Variants in NUBPL observed in about 807,000 individuals in gnomAD.
NUBPL encodes the protein NUBP iron-sulfur cluster assembly factor, mitochondrial.
A neutral mutation model predicts 45.7 loss-of-function variants in NUBPL; 31 were observed. The ratio of observed to expected loss-of-function variants is 0.68; its 90% CI spans 0.51 to 0.92. The LOEUF (loss-of-function observed/expected upper bound fraction) is 0.92. NUBPL is among the 40% of genes least tolerant of loss of function. The pLI is 0.00. For missense variants in NUBPL, 401 were observed against 398.7 expected (o/e 1.01, Z -0.05); for synonymous variants, 144 against 140.9 (o/e 1.02, Z -0.15).
chr14:31,748,682 G>A (rs748493899), intron 6 of NUBPL, among the ~76,000 whole-genome samples: 59 of 151,836 alleles, frequency 3.9e-4, no homozygotes, highest in Admixed American at 3.1e-3. Context: ...GAGCGATCTC[G>A]GCTCACTGCA....
chr14:31,618,476 CTT>C (rs1276367186), intron 4 of NUBPL, among the ~76,000 whole-genome samples: 2 of 152,200 alleles, frequency 1.3e-5, no homozygotes, highest in Non-Finnish European at 2.9e-5. Context: ...TATGTTGTCT[CTT>C]TGTTCTCATT....
intron 4 of NUBPL, among the ~76,000 whole-genome samples, chr14:31,608,341 G>T (rs2034659090): frequency 6.6e-6 from 1 of 152,076 alleles, no homozygotes; most frequent in Non-Finnish European, 1.5e-5. Flanking sequence ...ATCACCTGAG[G>T]TCAGGAGTTC....
At chr14:31,602,467 A>G (rs1217343043) in intron 4 of NUBPL, among the ~76,000 whole-genome samples, 5 of 151,860 alleles carry the variant, frequency 3.3e-5, no homozygotes, top group African/African-American at 1.2e-4. Flanking sequence ...TCGCTACTAC[A>G]GAAGTTTCTC....
chr14:31,824,023 G>A lies in NUBPL; in HGVS notation c.608-2606G>A, dbSNP rs528859212. ...ATTTGAAAAGTAGGATGAGCTGCCT[G>A]ATAGCCTTTAGGAAAATGACCTTCC... On this transcript the variant is annotated intron_variant, in intron 7 of 10. Transcript: ENST00000281081. Among the ~76,000 whole-genome samples the A allele has an allele frequency of 2.0e-4, 31 of 152,160 alleles. No individual in the cohort carries two copies. In the South Asian group the frequency reaches 6.2e-3, roughly 31 times the overall value.
chr14:31,680,372 C>T (rs2036802573), intron 6 of NUBPL, among the ~76,000 whole-genome samples: 1 of 152,100 alleles, frequency 6.6e-6, no homozygotes, highest in Non-Finnish European at 1.5e-5. Flanking sequence ...ATCATGCCCT[C>T]TCTCAGGTTA....
At chr14:31,598,188 A>G (rs1404871087) in intron 3 of NUBPL, among the ~76,000 whole-genome samples, 2 of 152,188 alleles carry the variant, frequency 1.3e-5, no homozygotes, top group African/African-American at 4.8e-5. Flanking sequence ...TTTAAACTGC[A>G]GTTTTAGTCA....
At position 31,592,459 on chromosome 14, in the gene NUBPL, C is replaced by T. The variant is rs111922969; in HGVS notation, c.292-6830C>T. On this transcript the variant is annotated intron_variant, in intron 3 of 10. Transcript: ENST00000281081. Reference sequence around the variant, plus strand: ...TGTTTCATCTGAATCATTCTTGCAGCCCTGTTGAGAAGAAAGGCTGGGGTG... The same window carrying T: ...TGTTTCATCTGAATCATTCTTGCAGTCCTGTTGAGAAGAAAGGCTGGGGTG... 2.6e-5 allele frequency among the ~76,000 whole-genome samples: 4 copies of T among 152,128 alleles called. No individual in the cohort carries two copies. In the East Asian group the frequency reaches 7.7e-4, roughly 29 times the overall value.
At chr14:31,775,534 C>T (rs563117864) in intron 6 of NUBPL, among the ~76,000 whole-genome samples, 2 of 152,322 alleles carry the variant, frequency 1.3e-5, no homozygotes, top group African/African-American at 4.8e-5. Context: ...GGGAGCCTCT[C>T]TTGGCTGACT....
chr14:31,738,047 T>A (rs1209729471), intron 6 of NUBPL, among the ~76,000 whole-genome samples: 1 of 152,238 alleles, frequency 6.6e-6, no homozygotes, highest in Non-Finnish European at 1.5e-5. Context: ...TATTTATATG[T>A]AACACTTGAG....
chr14:31,688,841 G>A (rs956190747), intron 6 of NUBPL, among the ~76,000 whole-genome samples: 1 of 151,888 alleles, frequency 6.6e-6, no homozygotes, highest in African/African-American at 2.4e-5. Context: ...GTAGGCCCCA[G>A]TGTCTGTTGT....
chr14:31,786,466 C>T (rs890488849), intron 6 of NUBPL, among the ~76,000 whole-genome samples: 2 of 152,210 alleles, frequency 1.3e-5, no homozygotes, highest in African/African-American at 4.8e-5. Flanking sequence ...AAGCTCTTTT[C>T]TGTGCACATT....
chr14:31,620,466 G>A (rs1221311614), intron 4 of NUBPL, among the ~76,000 whole-genome samples: 2 of 152,248 alleles, frequency 1.3e-5, no homozygotes, highest in East Asian at 3.9e-4. Context: ...GGTTCTCTGA[G>A]TGGTTGTCCT....
intron 6 of NUBPL, among the ~76,000 whole-genome samples, chr14:31,718,968 C>A (rs976448728): frequency 6.6e-5 from 10 of 152,090 alleles, no homozygotes; most frequent in Admixed American, 5.2e-4. Context: ...TCTCGATTAA[C>A]CCATCGTTAA....
At position 31,589,736 on chromosome 14, in the gene NUBPL, G is replaced by T. The variant is rs377699545; in HGVS notation, c.292-9553G>T. Among the ~76,000 whole-genome samples, 4 of 152,024 alleles carry T rather than the reference G, an allele frequency of 2.6e-5. No homozygotes were observed. The East Asian group carries it at 5.8e-4, about 22-fold the overall frequency. ...GTAAAAATCACCAAACTGCTCCCCC[G>T]TCCAACCCCTGCCATATTTTCTGCA... is the stretch of plus-strand genomic sequence containing the variant. On this transcript the variant is annotated intron_variant, in intron 3 of 10. Transcript: ENST00000281081.
chr14:31,838,372 A>G (rs2040318231), intron 8 of NUBPL, among the ~76,000 whole-genome samples: 1 of 152,056 alleles, frequency 6.6e-6, no homozygotes, highest in African/African-American at 2.4e-5. Context: ...AACCCAAATG[A>G]CCCAAAAGGA....
At chr14:31,701,305 C>A (rs1420552579) in intron 6 of NUBPL, among the ~76,000 whole-genome samples, 1 of 152,144 alleles carries the variant, frequency 6.6e-6, no homozygotes, top group Non-Finnish European at 1.5e-5. Context: ...ATTGTAAATG[C>A]ACCAGTCAGC....
At chr14:31,728,721 G>T (rs1595552316) in intron 6 of NUBPL, among the ~76,000 whole-genome samples, 2 of 152,174 alleles carry the variant, frequency 1.3e-5, no homozygotes, top group South Asian at 4.1e-4. Flanking sequence ...TTTTACAAGT[G>T]ACTAACTTGG....
chr14:31,617,352 T>C (rs2034932789), intron 4 of NUBPL, among the ~76,000 whole-genome samples: 1 of 152,106 alleles, frequency 6.6e-6, no homozygotes. Context: ...TTGTCTTGTG[T>C]CAGTTTTCAA....
rs7152794 is a variant in NUBPL at position 31,707,139 on chromosome 14, C to T, written c.513+33565C>T. ...GTAGGGAGTTCCTCCTAGATCTGGT[C>T]GGACCTTTGTATGGTAATTAAGATT... On this transcript the variant is annotated intron_variant, in intron 6 of 10. Transcript: ENST00000281081. Among the ~76,000 whole-genome samples the T allele has an allele frequency of 6.6e-3, 1,000 of 152,238 alleles. 11 individuals carry two copies. The highest frequency in any genetic ancestry group is 0.022 in the African/African-American group (933 of 41,538).
Sources: allele counts gnomAD v4.1 joint callset (sites outside exome capture counted in the v4.1 genomes callset), GRCh38; gene constraint gnomAD v4.1.1; transcripts MANE v1.5; gene names NCBI Gene and HGNC (gene_info 2026-07-23, HGNC 2026-07-21).